ARHGAP26: variants seen among roughly 807,000 people sequenced by gnomAD.
ARHGAP26 encodes the protein rho GTPase-activating protein 26.
A neutral mutation model predicts 104.8 loss-of-function variants in ARHGAP26; 38 were observed. The observed-to-expected ratio is 0.36, with a 90% CI of 0.28 to 0.48. ARHGAP26 has a LOEUF of 0.48. Ranked by LOEUF, ARHGAP26 falls within the 20% of genes least tolerant of loss-of-function variation. The pLI is 0.99. For synonymous variants in ARHGAP26, 341 were observed against 340.0 expected, an observed-to-expected ratio of 1.00 and a Z score of -0.03; for missense variants, 704 against 947.9, an observed-to-expected ratio of 0.74 and a Z score of 3.38.
intron 1 of ARHGAP26, among the ~76,000 whole-genome samples, chr5:142,786,940 C>T (rs974661567): frequency 2.0e-5 from 3 of 152,072 alleles, no homozygotes; most frequent in Non-Finnish European, 2.9e-5. Flanking sequence ...CCACTGCGTC[C>T]GGCTTGGATT....
intron 20 of ARHGAP26, among the ~76,000 whole-genome samples, chr5:143,205,613 G>C (rs1298508114): frequency 1.3e-5 from 2 of 152,228 alleles, no homozygotes; most frequent in African/African-American, 4.8e-5. Flanking sequence ...AACAGGGCAA[G>C]TCCTGCTATG....
intron 1 of ARHGAP26, among the ~76,000 whole-genome samples, chr5:142,839,585 T>C (rs989198689): frequency 1.3e-5 from 2 of 152,126 alleles, no homozygotes; most frequent in African/African-American, 4.8e-5. Flanking sequence ...TTGGTTGATA[T>C]TAGTCTGTTG....
chr5:143,159,951 A>G (rs1800990638), intron 20 of ARHGAP26, among the ~76,000 whole-genome samples: 1 of 150,748 alleles, frequency 6.6e-6, no homozygotes. Context: ...ATGTGTGTGC[A>G]TTGATTGTTT....
At chr5:143,040,415 G>T (rs1783282642) in intron 13 of ARHGAP26, among the ~76,000 whole-genome samples, 1 of 149,650 alleles carries the variant, frequency 6.7e-6, no homozygotes, top group Non-Finnish European at 1.5e-5. Context: ...ATTGTGTTTT[G>T]GCCCCCAAGT....
At chr5:142,918,322 T>C (rs1762767837) in intron 10 of ARHGAP26, among the ~76,000 whole-genome samples, 1 of 152,058 alleles carries the variant, frequency 6.6e-6, no homozygotes, top group Non-Finnish European at 1.5e-5. Flanking sequence ...AATTTTTCTA[T>C]TTGTAGTAGA....
At chr5:142,817,510 T>C (rs1247203639) in intron 1 of ARHGAP26, among the ~76,000 whole-genome samples, 4 of 152,096 alleles carry the variant, frequency 2.6e-5, no homozygotes, top group Non-Finnish European at 4.4e-5. Flanking sequence ...CTTCCTGCTG[T>C]AGAGGTGAAG....
intron 1 of ARHGAP26, among the ~76,000 whole-genome samples, chr5:142,776,193 G>A (rs531655873): frequency 2.6e-5 from 4 of 151,960 alleles, no homozygotes; most frequent in Admixed American, 6.6e-5. Flanking sequence ...GGCTGGTCTC[G>A]AACTCCTGGT....
At chr5:142,804,706 G>T (rs1762662947) in intron 1 of ARHGAP26, among the ~76,000 whole-genome samples, 1 of 152,088 alleles carries the variant, frequency 6.6e-6, no homozygotes, top group African/African-American at 2.4e-5. Context: ...TGCCTAGGCT[G>T]GTCTCAAACT....
chr5:142,954,776 G>A (rs1768946366), intron 11 of ARHGAP26, among the ~76,000 whole-genome samples: 1 of 152,208 alleles, frequency 6.6e-6, no homozygotes, highest in African/African-American at 2.4e-5. Context: ...ACTAGATCTA[G>A]CCCTTTGTCC....
At chr5:143,099,401 C>A (rs572084080) in intron 17 of ARHGAP26, among the ~76,000 whole-genome samples, 1 of 152,212 alleles carries the variant, frequency 6.6e-6, no homozygotes, top group South Asian at 2.1e-4. Context: ...ACATGGGGAC[C>A]ACTTGTGGGG....
chr5:143,002,246 G>A (rs1777282009), intron 11 of ARHGAP26, among the ~76,000 whole-genome samples: 1 of 152,196 alleles, frequency 6.6e-6, no homozygotes, highest in Admixed American at 6.5e-5. Context: ...CAGCAGAAGA[G>A]CCTTATGAGC....
chr5:142,963,219 T>TGTGTGTGTGTGTGTGTGTGTGTGC (rs753184861), intron 11 of ARHGAP26, among the ~76,000 whole-genome samples: 2 of 127,976 alleles, frequency 1.6e-5, no homozygotes, highest in Admixed American at 7.4e-5. Flanking sequence ...TGTGTGTGTG[T>TGTGTGTGTGTGTGTGTGTGTGTGC]GCGCGTGTGT....
At chr5:143,164,535 T>A (rs1801679037) in intron 20 of ARHGAP26, among the ~76,000 whole-genome samples, 1 of 152,198 alleles carries the variant, frequency 6.6e-6, no homozygotes, top group South Asian at 2.1e-4. Context: ...TTTGCTGTAT[T>A]TTTCTTTGCA....
At chr5:143,173,401 G>A (rs1028331569) in intron 20 of ARHGAP26, among the ~76,000 whole-genome samples, 1 of 152,152 alleles carries the variant, frequency 6.6e-6, no homozygotes, top group Admixed American at 6.5e-5. Flanking sequence ...AGGGCCTAGA[G>A]GGAGTGGAGT....
chr5:143,104,192 G>A (rs895261743), intron 17 of ARHGAP26, among the ~76,000 whole-genome samples: 4 of 152,062 alleles, frequency 2.6e-5, no homozygotes, highest in African/African-American at 9.7e-5. Context: ...TCTCATGGGT[G>A]ACAGTTTGGT....
intron 20 of ARHGAP26, chr5:143,172,867 G>A (rs1269755570): frequency 1.2e-5 from 2 of 168,152 alleles, no homozygotes; most frequent in East Asian, 1.1e-4. Flanking sequence ...ATAAATACCC[G>A]AAGGGCAGAT....
intron 5 of ARHGAP26, among the ~76,000 whole-genome samples, chr5:142,887,184 G>A (rs921088468): frequency 1.3e-5 from 2 of 152,178 alleles, no homozygotes; most frequent in Non-Finnish European, 2.9e-5. Context: ...TGCAGACTTG[G>A]TCTGGAATGA....
At chr5:143,106,857 G>A (rs1794097652) in intron 17 of ARHGAP26, among the ~76,000 whole-genome samples, 1 of 152,166 alleles carries the variant, frequency 6.6e-6, no homozygotes, top group South Asian at 2.1e-4. Context: ...AGGTGTATGA[G>A]GGTGTGATTT....
chr5:142,977,688 G>C (rs779883101), intron 11 of ARHGAP26, among the ~76,000 whole-genome samples: 2 of 152,240 alleles, frequency 1.3e-5, no homozygotes, highest in Non-Finnish European at 2.9e-5. Flanking sequence ...TCCTGGTTAA[G>C]AAAGAAGATG....
Sources: gnomAD v4.1 joint callset for allele counts (sites outside exome capture counted in the v4.1 genomes callset) on GRCh38, gnomAD v4.1.1 for gene constraint, MANE v1.5 for transcripts, NCBI Gene and HGNC (gene_info 2026-07-23, HGNC 2026-07-21) for gene names.